The following ZBED4 variants were observed in gnomAD, a reference collection of about 807,000 sequenced individuals.
The protein encoded by ZBED4 is zinc finger BED-type containing 4, also known as zinc finger BED domain-containing protein 4.
In ZBED4, 4 loss-of-function variants were observed where a neutral mutation model predicts 15.5. The observed-to-expected ratio is 0.26, with a 90% CI of 0.13 to 0.59. The LOEUF (loss-of-function observed/expected upper bound fraction) is 0.59, where lower values mean the gene tolerates loss of function less well. Ranked by LOEUF, ZBED4 falls within the 20% of genes least tolerant of loss-of-function variation. The pLI, the probability that ZBED4 is intolerant of heterozygous loss-of-function variation, is 0.90. For synonymous variants in ZBED4, 692 were observed against 608.5 expected (o/e 1.14, Z -2.02); for missense variants, 1,323 against 1,461.8 (o/e 0.91, Z 1.55).
rs187532355 is a variant in ZBED4 at position 49,856,610 on chromosome 22, G to A, written c.-330+2621G>A. Among the ~76,000 whole-genome samples, 274 of 152,282 alleles carry A rather than the reference G, an allele frequency of 1.8e-3. 2 individuals carry two copies. Among genetic ancestry groups the A allele is most frequent in the Non-Finnish European group, 3.1e-4 (21 of 68,032 alleles). On this transcript the variant is annotated intron_variant, in intron 1 of 1. Coordinates refer to ENST00000216268, the MANE Select transcript of ZBED4 (RefSeq NM_014838.3). ...TGTTTCGGAATTCAGGGGACATGCA[G>A]CCTAAATGACCCACACTGGAATCCC...
At chr22:49,866,487 G>C (rs2060322885) in intron 1 of ZBED4, among the ~76,000 whole-genome samples, 2 of 151,834 alleles carry the variant, frequency 1.3e-5, no homozygotes, top group South Asian at 4.1e-4. Flanking sequence ...CTTCATTCTT[G>C]AAGTCATATT....
rs1055028662 is a variant in ZBED4 at position 49,881,247 on chromosome 22, G to T, written c.-329-2087G>T. On this transcript the variant is annotated intron_variant, in intron 1 of 1. Transcript: ENST00000216268. ...GCCTGTAATCCCAGCTACTTGGGAG[G>T]CTGAGGCAGGAGAAGCACTTGAACC... Among the ~76,000 whole-genome samples, 25 of 152,368 alleles carry T rather than the reference G, an allele frequency of 1.6e-4. 2 individuals are homozygous for T. The South Asian group carries it at 1.9e-3, about 11-fold the overall frequency.
Position 49,868,424 on chromosome 22 carries a change from G to A in ZBED4, c.-330+14435G>A, listed in dbSNP as rs547629081. Among the ~76,000 whole-genome samples, 13 of 152,008 alleles carry A rather than the reference G, an allele frequency of 8.6e-5. No individual in the cohort carries two copies. In the East Asian group the frequency reaches 2.5e-3, roughly 29 times the overall value. On this transcript the variant is annotated intron_variant, in intron 1 of 1. Transcript: ENST00000216268. ...GTGAAACCCCATCTCCACAAAAAAT[G>A]CAAAAAATTAACTGGGTGGTGGCAC...
chr22:49,871,756 T>A (rs1265034525), intron 1 of ZBED4, among the ~76,000 whole-genome samples: 1 of 46,158 alleles, frequency 2.2e-5, no homozygotes, highest in African/African-American at 4.7e-5. Flanking sequence ...TTTATTTATT[T>A]ATTTTTTTTT....
intron 1 of ZBED4, among the ~76,000 whole-genome samples, chr22:49,862,451 G>A (rs2060301518): frequency 6.6e-6 from 1 of 152,250 alleles, no homozygotes; most frequent in South Asian, 2.1e-4. Flanking sequence ...ATTTTAAAGT[G>A]TGGCACAGAT....
intron 1 of ZBED4, among the ~76,000 whole-genome samples, chr22:49,855,597 T>G (rs1234622851): frequency 1.3e-5 from 2 of 152,202 alleles, no homozygotes; most frequent in African/African-American, 4.8e-5. Flanking sequence ...TGTGTGTGTG[T>G]GTCTCAGATC....
chr22:49,857,596 AGTTT>A lies in ZBED4; in HGVS notation c.-330+3624_-330+3627del, dbSNP rs371731040. Among the ~76,000 whole-genome samples the A allele has an allele frequency of 3.7e-3, 567 of 151,874 alleles. 1 individual carries two copies. The highest frequency in any genetic ancestry group is 5.6e-3 in the Admixed American group (86 of 15,268). On this transcript the variant is annotated intron_variant, in intron 1 of 1. Transcript: ENST00000216268. The stretch of plus-strand genomic sequence containing the variant: ...CCTTTAGCTTTGGGTTCCCCTTCTC[AGTTT>A]GTTTGTTTGTTTGTTTATTCTCACT...
chr22:49,852,978 G>A (rs2060257947), upstream of ZBED4: 1 of 152,268 alleles, frequency 6.6e-6, no homozygotes, highest in Non-Finnish European at 1.5e-5. Flanking sequence ...CGCGGGGCAG[G>A]GGCGGGCTCC....
In ZBED4 at chr22:49,884,757, G is replaced by A. The variant is rs758495510; in HGVS notation, c.1095G>A (p.Pro365=). The change falls in exon 2 of 2, where the codon CCG becomes CCA. Residue 365 remains proline, a synonymous_variant. Transcript: ENST00000216268. ...PPTLLPSLLP[P]EGELSSVSSS... is the part of the protein sequence containing the mutation. ...CTCTGCTGCCTTCCTTGCTGCCGCC[G>A]GAGGGGGAGCTCAGCTCTGTGTCCT... The A allele has an allele frequency of 5.2e-5, 83 of 1,596,264 alleles. No homozygotes were observed. Among genetic ancestry groups the A allele is most frequent in the Middle Eastern group, 5.0e-4 (3 of 5,994 alleles).
At chr22:49,862,374 G>A (rs998737700) in intron 1 of ZBED4, among the ~76,000 whole-genome samples, 7 of 152,252 alleles carry the variant, frequency 4.6e-5, no homozygotes, top group Non-Finnish European at 8.8e-5. Flanking sequence ...AAGTAGCTGG[G>A]ACTACGGGCG....
chr22:49,878,319 A>G (rs961085900), intron 1 of ZBED4, among the ~76,000 whole-genome samples: 5 of 151,192 alleles, frequency 3.3e-5, no homozygotes, highest in African/African-American at 7.3e-5. Context: ...AAAAAAAAAA[A>G]GTCTTCATAC....
intron 1 of ZBED4, among the ~76,000 whole-genome samples, chr22:49,867,886 A>C (rs576462847): frequency 6.6e-6 from 1 of 152,252 alleles, no homozygotes; most frequent in African/African-American, 2.4e-5. Flanking sequence ...AGACACTTAC[A>C]TGAGCCCACA....
intron 1 of ZBED4, among the ~76,000 whole-genome samples, chr22:49,861,084 G>A (rs116614820): frequency 0.015 from 2,214 of 152,078 alleles, 59 homozygotes; most frequent in African/African-American, 0.049. Context: ...CCTAGGCAAC[G>A]CTTTTTACTT....
At chr22:49,863,966 C>G (rs887547078) in intron 1 of ZBED4, among the ~76,000 whole-genome samples, 5 of 152,208 alleles carry the variant, frequency 3.3e-5, no homozygotes, top group African/African-American at 1.2e-4. Flanking sequence ...CCTGAACTCT[C>G]TCAGAGGTTT....
chr22:49,887,019 C>G lies in ZBED4; in HGVS notation c.3357C>G (p.Val1119=). The G allele has an allele frequency of 6.2e-7, 1 of 1,614,134 alleles. No individual in the cohort carries two copies. The highest frequency in any genetic ancestry group is 1.3e-5 in the African/African-American group (1 of 75,034). ...GGCCGGGGCTGTCCGCGCTGGCCGTCAGATTTTTGGGCTGCCCCCCAAGCA... is the reference window on the plus strand; with the variant it reads ...GGCCGGGGCTGTCCGCGCTGGCCGTGAGATTTTTGGGCTGCCCCCCAAGCA... ...ASWPGLSALA[V]RFLGCPPSIV... The change falls in exon 2 of 2, where the codon GTC becomes GTG. Residue 1119 remains valine (V), a synonymous_variant. Transcript: ENST00000216268.
chr22:49,869,014 C>T (rs182416084), intron 1 of ZBED4, among the ~76,000 whole-genome samples: 437 of 150,284 alleles, frequency 2.9e-3, no homozygotes, highest in African/African-American at 9.7e-3. Context: ...ATCCGAGCTG[C>T]TTGTGAGACT....
chr22:49,864,944 C>G (rs997432879), intron 1 of ZBED4, among the ~76,000 whole-genome samples: 2 of 85,940 alleles, frequency 2.3e-5, no homozygotes, highest in Non-Finnish European at 4.0e-5. Context: ...CAAGCCCCCC[C>G]CCCCCCCCGT....
intron 1 of ZBED4, among the ~76,000 whole-genome samples, chr22:49,868,186 G>A (rs2147515682): frequency 6.6e-6 from 1 of 152,254 alleles, no homozygotes; most frequent in African/African-American, 2.4e-5. Context: ...TGTTGTTGTT[G>A]ATAACATCAG....
At chr22:49,868,887 G>A (rs778151341) in intron 1 of ZBED4, among the ~76,000 whole-genome samples, 7 of 151,274 alleles carry the variant, frequency 4.6e-5, no homozygotes, top group African/African-American at 9.7e-5. Flanking sequence ...CAAGGCAGGC[G>A]GATCACCTGA....
Sources: gnomAD v4.1 joint callset for allele counts (sites outside exome capture counted in the v4.1 genomes callset) on GRCh38, gnomAD v4.1.1 for gene constraint, MANE v1.5 for transcripts, NCBI Gene and HGNC (gene_info 2026-07-23, HGNC 2026-07-21) for gene names.